Variants in ATRNL1 observed in about 807,000 individuals in gnomAD.
ATRNL1 encodes the protein attractin-like protein 1.
A neutral mutation model predicts 182.7 loss-of-function variants in ATRNL1; 95 were observed. The ratio of observed to expected loss-of-function variants is 0.52; its 90% CI spans 0.44 to 0.62. The LOEUF (loss-of-function observed/expected upper bound fraction) is 0.62. Among genes scored for constraint, ATRNL1 ranks in the 20% least tolerant of loss-of-function variants. The pLI is 0.00. For missense variants in ATRNL1, 1,471 were observed against 1,679.5 expected (o/e 0.88, Z 2.17); for synonymous variants, 576 against 568.3 (o/e 1.01, Z -0.19).
At chr10:115,283,792 GA>G (rs1245644018) in intron 14 of ATRNL1, among the ~76,000 whole-genome samples, 1 of 152,112 alleles carries the variant, frequency 6.6e-6, no homozygotes, top group African/African-American at 2.4e-5. Context: ...TGGAAGTTTG[GA>G]AAAATGATAG....
At chr10:115,529,816 C>T (rs1364191348) in intron 25 of ATRNL1, among the ~76,000 whole-genome samples, 6 of 152,064 alleles carry the variant, frequency 3.9e-5, no homozygotes, top group Admixed American at 2.6e-4. Flanking sequence ...TATTCTTCAA[C>T]CATTATTGCA....
At position 115,868,822 on chromosome 10, in the gene ATRNL1, C is replaced by CTTTTTTTTTTTTTTTTT. The variant is rs67676674; in HGVS notation, c.4018+20840_4018+20856dup. 8.1e-3 allele frequency among the ~76,000 whole-genome samples: 473 copies of CTTTTTTTTTTTTTTTTT among 58,086 alleles called. 86 individuals are homozygous for CTTTTTTTTTTTTTTTTT. Among genetic ancestry groups the CTTTTTTTTTTTTTTTTT allele is most frequent in the Middle Eastern group, 0.019 (1 of 54 alleles). The allele number at this position is 58,086 out of a possible 152,430, so 38.1% of individuals were successfully genotyped here. On this transcript the variant is annotated intron_variant, in intron 28 of 28. Coordinates refer to ENST00000355044, the MANE Select transcript of ATRNL1 (RefSeq NM_207303.4). Reference sequence around the variant, plus strand: ...ATATATCTGGTGGCAAGTCTTTATTCTTTTTTTTTTTTTTTTTTTTTTTTT... The same window carrying CTTTTTTTTTTTTTTTTT: ...ATATATCTGGTGGCAAGTCTTTATTCTTTTTTTTTTTTTTTTTTTTTTTTTTTTTTTTTTTTTTTTTT...
intron 24 of ATRNL1, among the ~76,000 whole-genome samples, chr10:115,476,903 T>G (rs1554973244): frequency 1.3e-5 from 2 of 151,508 alleles, no homozygotes; most frequent in African/African-American, 4.8e-5. Flanking sequence ...ATTGCTTCAC[T>G]TATTTATCCA....
chr10:115,492,310 T>C (rs1298186312), intron 24 of ATRNL1, among the ~76,000 whole-genome samples: 1 of 152,136 alleles, frequency 6.6e-6, no homozygotes, highest in African/African-American at 2.4e-5. Context: ...TTATTTCTTT[T>C]TTTGGAGGTG....
At chr10:115,806,385 G>A (rs1949920741) in intron 27 of ATRNL1, among the ~76,000 whole-genome samples, 1 of 152,062 alleles carries the variant, frequency 6.6e-6, no homozygotes. Flanking sequence ...AATTACTATA[G>A]GATGTGAGGC....
rs1399255577 is a variant in ATRNL1, at chr10:115,154,287, T to C, written c.830-5753T>C. Among the ~76,000 whole-genome samples the C allele has an allele frequency of 2.0e-5, 3 of 152,120 alleles. No homozygotes were observed. In the East Asian group the frequency reaches 5.8e-4, roughly 29 times the overall value. On this transcript the variant is annotated intron_variant, in intron 5 of 28. Coordinates refer to ENST00000355044, the MANE Select transcript of ATRNL1 (RefSeq NM_207303.4). ...CGTTGTTAACCTTCTGTCTCATTGA[T>C]CTGTCTAATATTGACAGTGGGGTGT...
chr10:115,840,544 G>T (rs1326846131), intron 27 of ATRNL1, among the ~76,000 whole-genome samples: 1 of 152,036 alleles, frequency 6.6e-6, no homozygotes, highest in Non-Finnish European at 1.5e-5. Context: ...CTTTACAGAT[G>T]AAGAACTTGA....
At chr10:115,893,397 C>T (rs1047734809) in intron 28 of ATRNL1, among the ~76,000 whole-genome samples, 10 of 152,136 alleles carry the variant, frequency 6.6e-5, no homozygotes, top group Admixed American at 2.6e-4. Flanking sequence ...AGCAAGGTTT[C>T]GGATTTGCAA....
chr10:115,691,885 G>A (rs1276997271), intron 26 of ATRNL1, among the ~76,000 whole-genome samples: 1 of 151,882 alleles, frequency 6.6e-6, no homozygotes, highest in Non-Finnish European at 1.5e-5. Context: ...CAGGTATATA[G>A]TTTGCAAATA....
At chr10:115,668,107 G>T (rs148644366) in intron 26 of ATRNL1, among the ~76,000 whole-genome samples, 1 of 152,096 alleles carries the variant, frequency 6.6e-6, no homozygotes, top group African/African-American at 2.4e-5. Context: ...GAAAATCACA[G>T]ATTCTGTCTA....
intron 24 of ATRNL1, among the ~76,000 whole-genome samples, chr10:115,492,173 G>C (rs1554976739): frequency 6.6e-6 from 1 of 152,120 alleles, no homozygotes; most frequent in African/African-American, 2.4e-5. Flanking sequence ...GCAGCCTGGA[G>C]CAGTTCCTAT....
In ATRNL1 at chr10:115,839,816, C is replaced by T. The variant is rs908567230; in HGVS notation, c.3904-8061C>T. ...TGCCACCAATAATTAGCACATTTAC[C>T]TTTTAAAAAGAATTGATCTATCAGC... On this transcript the variant is annotated intron_variant, in intron 27 of 28. Coordinates refer to ENST00000355044, the MANE Select transcript of ATRNL1 (RefSeq NM_207303.4). 3.3e-5 allele frequency among the ~76,000 whole-genome samples: 5 copies of T among 152,224 alleles called. No homozygotes were observed. The East Asian group carries it at 9.7e-4, about 30-fold the overall frequency.
At chr10:115,503,920 A>G (rs1849974315) in intron 24 of ATRNL1, among the ~76,000 whole-genome samples, 1 of 151,530 alleles carries the variant, frequency 6.6e-6, no homozygotes, top group South Asian at 2.1e-4. Flanking sequence ...CATCTTTCTT[A>G]TTTCCTGGTT....
chr10:115,214,057 C>CACACACACACACAT lies in ATRNL1; in HGVS notation c.1349-1629_1349-1628insCATACACACACACA, dbSNP rs782193831. 3.1e-4 allele frequency among the ~76,000 whole-genome samples: 47 copies of CACACACACACACAT among 151,282 alleles called. 1 individual carries two copies. The South Asian group carries it at 6.3e-3, about 20-fold the overall frequency. On this transcript the variant is annotated intron_variant, in intron 8 of 28. Transcript: ENST00000355044. Reference sequence around the variant, plus strand: ...ACAAATATGTACACACACACACACACACACACACACATATATATAAACATA... The same window carrying CACACACACACACAT: ...ACAAATATGTACACACACACACACACACACACACACACATACACACACACATATATATAAACATA...
chr10:115,286,362 T>A lies in ATRNL1; in HGVS notation c.2380T>A (p.Phe794Ile). The A allele has an allele frequency of 6.2e-7, 1 of 1,604,828 alleles. No individual in the cohort carries two copies. Among genetic ancestry groups the A allele is most frequent in the East Asian group, 2.2e-5 (1 of 44,568 alleles). Residue 794 changes from phenylalanine (F) to isoleucine (I), a missense_variant, in exon 15 of 29, where the codon TTT (phenylalanine) becomes ATT (isoleucine). Transcript: ENST00000355044. ...ASLTTSKEVE[F>I]VLDEIQKYTQ... ...ATTAACAACCTCAAAAGAAGTAGAA[T>A]TTGTTCTGGATGAAATACAGAAGTA...
chr10:115,611,749 G>C (rs1857169067), intron 26 of ATRNL1, among the ~76,000 whole-genome samples: 1 of 151,948 alleles, frequency 6.6e-6, no homozygotes, highest in Admixed American at 6.6e-5. Flanking sequence ...TTATAATTTA[G>C]GATAATATTT....
At chr10:115,535,207 C>T (rs1851894652) in intron 25 of ATRNL1, among the ~76,000 whole-genome samples, 3 of 152,086 alleles carry the variant, frequency 2.0e-5, no homozygotes, top group Non-Finnish European at 4.4e-5. Context: ...GAGTGTTTTC[C>T]AACTTGGCTC....
At chr10:115,435,040 T>C (rs1187557906) in intron 21 of ATRNL1, among the ~76,000 whole-genome samples, 3 of 150,706 alleles carry the variant, frequency 2.0e-5, no homozygotes, top group Admixed American at 2.0e-4. Context: ...TTTTTTTTTT[T>C]TTTTTTTTGT....
At chr10:115,242,828 C>CT (rs1216559985) in intron 10 of ATRNL1, among the ~76,000 whole-genome samples, 1 of 151,958 alleles carries the variant, frequency 6.6e-6, no homozygotes. Flanking sequence ...GTAATTTGAT[C>CT]TTTTTCTTTT....
Sources: gnomAD v4.1 joint callset for allele counts (sites outside exome capture counted in the v4.1 genomes callset) on GRCh38, gnomAD v4.1.1 for gene constraint, MANE v1.5 for transcripts, NCBI Gene and HGNC (gene_info 2026-07-23, HGNC 2026-07-21) for gene names.